The following ATP10B variants were observed in gnomAD, a reference collection of about 807,000 sequenced individuals.
ATP10B encodes the protein phospholipid-transporting ATPase VB.
In ATP10B, 122 loss-of-function variants were observed where a neutral mutation model predicts 141.2. The ratio of observed to expected loss-of-function variants is 0.86; its 90% CI spans 0.75 to 1.00. The LOEUF (loss-of-function observed/expected upper bound fraction) is 1.00. Among genes scored for constraint, ATP10B ranks in the 50% least tolerant of loss-of-function variants. The probability of loss-of-function intolerance (pLI) is 0.00; values close to 1 mark genes in which losing one functional copy is unlikely to be tolerated. For synonymous variants in ATP10B, 685 were observed against 692.0 expected, an observed-to-expected ratio of 0.99 and a Z score of 0.16; for missense variants, 1,876 against 1,825.3, an observed-to-expected ratio of 1.03 and a Z score of -0.51.
At chr5:160,632,107 A>C in intron 13 of ATP10B, 22 bp downstream of exon 13, 1 of 1,595,236 alleles carries the variant, frequency 6.3e-7, no homozygotes, top group Non-Finnish European at 8.6e-7. Context: ...CTTACAGTTC[A>C]AAGGCAAAAG....
intron 24 of ATP10B, among the ~76,000 whole-genome samples, chr5:160,588,867 C>T (rs2052460): frequency 0.76 from 115,294 of 152,002 alleles, 43,850 homozygotes; most frequent in East Asian, 0.85. Flanking sequence ...CAAAATGTGA[C>T]ATTTGGATAT....
chr5:160,605,505 A>C (rs1757330983), intron 19 of ATP10B, among the ~76,000 whole-genome samples: 2 of 152,208 alleles, frequency 1.3e-5, no homozygotes, highest in African/African-American at 4.8e-5. Flanking sequence ...ACCTCAGAGA[A>C]AATCATTCTT....
At chr5:160,790,936 A>G (rs1771523392) in intron 1 of ATP10B, among the ~76,000 whole-genome samples, 1 of 152,160 alleles carries the variant, frequency 6.6e-6, no homozygotes, top group Non-Finnish European at 1.5e-5. Flanking sequence ...CGATGATGAA[A>G]GAAGCAGGAG....
intron 1 of ATP10B, among the ~76,000 whole-genome samples, chr5:160,809,188 T>C (rs1160299658): frequency 1.3e-5 from 2 of 152,202 alleles, no homozygotes; most frequent in Non-Finnish European, 2.9e-5. Flanking sequence ...TTGTTCTCTG[T>C]AGCTTGTTTT....
intron 3 of ATP10B, among the ~76,000 whole-genome samples, chr5:160,704,268 A>G (rs10040877): frequency 0.89 from 134,744 of 152,172 alleles, 59,964 homozygotes; most frequent in African/African-American, 0.97. Context: ...TGTTGCCTAG[A>G]CTGATCTTGA....
Position 160,752,624 on chromosome 5 carries a change from G to A in ATP10B, c.-331+32935C>T, listed in dbSNP as rs542114452. Among the ~76,000 whole-genome samples, 522 of 152,252 alleles carry A rather than the reference G, an allele frequency of 3.4e-3. 3 individuals are homozygous for A. The highest frequency in any genetic ancestry group is 0.012 in the African/African-American group (498 of 41,544). ...GAAATGGATCGTTGGGTAGAAAGAA[G>A]GATTTTTTGAAGTACTGAAAAATTT... On this transcript the variant is annotated intron_variant, in intron 2 of 25. Transcript: ENST00000327245.
chr5:160,890,531 T>G, the ATP10B span, among the ~76,000 whole-genome samples: 2 of 149,044 alleles, frequency 1.3e-5, no homozygotes, highest in African/African-American at 4.9e-5. Flanking sequence ...TAAGTGCTAT[T>G]ATATAACATG....
chr5:160,565,675 G>A lies in ATP10B; in HGVS notation c.4164C>T (p.Pro1388=). The part of the protein sequence containing the change: ...SASTPKSSNP[P]KRKHVEESVL... The stretch of plus-strand genomic sequence containing the variant: ...CTGACTCTTCCACATGCTTCCTCTT[G>A]GGAGGGTTAGAGCTCTTTGGGGTGC... Residue 1388 remains proline, a synonymous_variant, in exon 26 of 26, where the codon CCC becomes CCT. Transcript: ENST00000327245. The A allele has an allele frequency of 6.2e-7, 1 of 1,614,098 alleles. No homozygotes were observed. Among genetic ancestry groups the A allele is most frequent in the South Asian group, 1.1e-5 (1 of 91,084 alleles).
rs796492043 is a variant in ATP10B at position 160,653,926 on chromosome 5, G to A, written c.676-4670C>T. ...TATACGTATATACATATATAAATAT[G>A]TTGTATATACGTATATACATATATA... On this transcript the variant is annotated intron_variant, in intron 7 of 25. Coordinates refer to ENST00000327245, the MANE Select transcript of ATP10B (RefSeq NM_025153.3). Among the ~76,000 whole-genome samples, 62 of 38,784 alleles carry A rather than the reference G, an allele frequency of 1.6e-3. 6 individuals carry two copies. Among genetic ancestry groups the A allele is most frequent in the East Asian group, 3.3e-3 (3 of 918 alleles). 25.4% of individuals were successfully genotyped at this position (38,784 alleles called of 152,430 possible).
At chr5:160,728,258 A>G (rs1275210940) in intron 2 of ATP10B, among the ~76,000 whole-genome samples, 1 of 152,062 alleles carries the variant, frequency 6.6e-6, no homozygotes, top group Non-Finnish European at 1.5e-5. Context: ...TAAATACTAA[A>G]CTGCCTGAAA....
intron 2 of ATP10B, among the ~76,000 whole-genome samples, chr5:160,761,122 C>A (rs915533962): frequency 6.6e-6 from 1 of 152,130 alleles, no homozygotes; most frequent in African/African-American, 2.4e-5. Context: ...CAGAACAGAA[C>A]CACCCTCCTC....
chr5:160,818,165 A>G (rs936215902), intron 1 of ATP10B, among the ~76,000 whole-genome samples: 1 of 152,188 alleles, frequency 6.6e-6, no homozygotes, highest in African/African-American at 2.4e-5. Flanking sequence ...TAATTAAACT[A>G]AAGAGCTTCT....
chr5:160,568,382 C>G (rs1754679304), intron 25 of ATP10B, among the ~76,000 whole-genome samples: 1 of 152,108 alleles, frequency 6.6e-6, no homozygotes, highest in Non-Finnish European at 1.5e-5. Flanking sequence ...TTAAGCAAAC[C>G]ACCAAACTTA....
chr5:160,813,499 G>C (rs1432271375), intron 1 of ATP10B, among the ~76,000 whole-genome samples: 1 of 152,174 alleles, frequency 6.6e-6, no homozygotes, highest in Non-Finnish European at 1.5e-5. Flanking sequence ...CTCGAACTGG[G>C]TGGAGCTCAC....
intron 2 of ATP10B, among the ~76,000 whole-genome samples, chr5:160,740,739 C>T (rs193082618): frequency 3.9e-5 from 6 of 152,294 alleles, no homozygotes; most frequent in East Asian, 1.9e-4. Context: ...GTTTCTTCAG[C>T]GATTGCAAAG....
the ATP10B span, among the ~76,000 whole-genome samples, chr5:160,918,782 A>G: frequency 0.039 from 5,972 of 152,222 alleles, 420 homozygotes; most frequent in African/African-American, 0.14. Flanking sequence ...CCTTGCTCAG[A>G]GGAGGATTTC....
intron 1 of ATP10B, among the ~76,000 whole-genome samples, chr5:160,825,895 G>A (rs776214450): frequency 1.3e-5 from 2 of 152,188 alleles, no homozygotes; most frequent in Admixed American, 6.5e-5. Flanking sequence ...ATTTATAAGT[G>A]AGAACGTGCA....
chr5:160,661,145 C>A (rs1276198388), intron 7 of ATP10B, among the ~76,000 whole-genome samples: 1 of 151,848 alleles, frequency 6.6e-6, no homozygotes, highest in African/African-American at 2.4e-5. Flanking sequence ...GAGATCGCGC[C>A]ATTGCACTCC....
intron 7 of ATP10B, among the ~76,000 whole-genome samples, chr5:160,669,956 A>T (rs1762574571): frequency 6.7e-6 from 1 of 149,670 alleles, no homozygotes; most frequent in Non-Finnish European, 1.5e-5. Context: ...GTCTGCCCTC[A>T]AGGAGGCTTA....
Sources: gnomAD v4.1 joint callset for allele counts (sites outside exome capture counted in the v4.1 genomes callset) on GRCh38, gnomAD v4.1.1 for gene constraint, MANE v1.5 for transcripts, NCBI Gene and HGNC (gene_info 2026-07-23, HGNC 2026-07-21) for gene names.